Variants in ARMC1 observed in about 807,000 individuals in gnomAD.
ARMC1 encodes armadillo repeat-containing protein 1.
A neutral mutation model predicts 31.4 loss-of-function variants in ARMC1; 16 were observed. The ratio of observed to expected loss-of-function variants is 0.51; its 90% CI spans 0.34 to 0.77. The LOEUF (loss-of-function observed/expected upper bound fraction) is 0.77. Among genes scored for constraint, ARMC1 ranks in the 30% least tolerant of loss-of-function variants. The probability of loss-of-function intolerance (pLI) is 0.01; values close to 1 mark genes in which losing one functional copy is unlikely to be tolerated. For synonymous variants in ARMC1, 114 were observed against 118.9 expected, an observed-to-expected ratio of 0.96 and a Z score of 0.27; for missense variants, 259 against 347.5, an observed-to-expected ratio of 0.75 and a Z score of 2.02.
At chr8:65,609,857 C>CAAAAAAAAAAAAAAAAAAAAAAA (rs35519675) in intron 4 of ARMC1, among the ~76,000 whole-genome samples, 1 of 93,062 alleles carries the variant, frequency 1.1e-5, no homozygotes, top group African/African-American at 4.4e-5. Flanking sequence ...GACTCTGTCT[C>CAAAAAAAAAAAAAAAAAAAAAAA]AAAAAAAAAA....
chr8:65,632,719 C>T (rs1249382536), intron 1 of ARMC1, among the ~76,000 whole-genome samples: 1 of 151,696 alleles, frequency 6.6e-6, no homozygotes, highest in African/African-American at 2.4e-5. Flanking sequence ...TCTGGTACTC[C>T]AGGGGTTGAG....
At chr8:65,606,353 A>G (rs1204486561) in intron 4 of ARMC1, among the ~76,000 whole-genome samples, 16 of 133,858 alleles carry the variant, frequency 1.2e-4, no homozygotes, top group Non-Finnish European at 9.5e-5. Context: ...AGAGCAAGAC[A>G]CCATCTCAAA....
At chr8:65,630,169 T>C (rs1808611356) in intron 1 of ARMC1, among the ~76,000 whole-genome samples, 1 of 151,974 alleles carries the variant, frequency 6.6e-6, no homozygotes, top group Non-Finnish European at 1.5e-5. Flanking sequence ...AAAATCGCTG[T>C]GAGTAAATTT....
At position 65,613,421 on chromosome 8, in the gene ARMC1, TG is replaced by T. The variant is rs760724834; in HGVS notation, c.287del (p.Pro96GlnfsTer29). 1.3e-6 allele frequency: 2 copies of T among 1,590,168 alleles called. No individual in the cohort carries two copies. Among genetic ancestry groups the T allele is most frequent in the Non-Finnish European group, 1.7e-6 (2 of 1,171,096 alleles). ...LQNVIQKTTT[P>X]GETKLLASEI... is the part of the protein sequence containing the mutation. ...CAGAGGCCAGAAGTTTTGTTTCTCC[TG>T]GAGTTGTAGTTCTTGAAAAGAAACA... On this transcript the variant is annotated frameshift_variant, in exon 4 of 7. Coordinates refer to ENST00000276569, the MANE Select transcript of ARMC1 (RefSeq NM_018120.6). LOFTEE classifies it high-confidence loss of function.
intron 4 of ARMC1, among the ~76,000 whole-genome samples, chr8:65,606,221 C>G (rs1807997896): frequency 6.6e-6 from 1 of 151,948 alleles, no homozygotes; most frequent in Non-Finnish European, 1.5e-5. Flanking sequence ...ATTAGCTGGG[C>G]ATGGTGGCGT....
chr8:65,607,964 T>A (rs1015456580), intron 4 of ARMC1, among the ~76,000 whole-genome samples: 3 of 152,190 alleles, frequency 2.0e-5, no homozygotes, highest in Non-Finnish European at 4.4e-5. Flanking sequence ...CCTAGCTGTT[T>A]GTTTTGTTTG....
intron 1 of ARMC1, among the ~76,000 whole-genome samples, chr8:65,629,925 AC>A (rs1346981763): frequency 4.6e-5 from 7 of 151,926 alleles, no homozygotes; most frequent in African/African-American, 1.7e-4. Flanking sequence ...CGGGTGGATC[AC>A]CTGAAGTCAG....
intron 3 of ARMC1, among the ~76,000 whole-genome samples, chr8:65,615,798 G>A (rs1194275033): frequency 6.6e-6 from 1 of 152,160 alleles, no homozygotes; most frequent in Non-Finnish European, 1.5e-5. Context: ...AGGCGGTGGA[G>A]GCAGGAGAAT....
intron 6 of ARMC1, 92 bp downstream of exon 6, chr8:65,605,171 G>T: frequency 9.9e-7 from 1 of 1,011,038 alleles, no homozygotes; most frequent in Non-Finnish European, 1.5e-6. Flanking sequence ...TACATACTTG[G>T]CACTATTAAT....
At position 65,602,882 on chromosome 8, in the gene ARMC1, A is replaced by C. The variant is rs2129040310; in HGVS notation, c.*1512T>G. The C allele has an allele frequency of 6.6e-6, 1 of 150,712 alleles. No homozygotes were observed. The highest frequency in any genetic ancestry group is 2.4e-5 in the African/African-American group (1 of 41,200). The allele number at this position is 150,712 out of a possible 1,614,324, so 9.3% of individuals were successfully genotyped here. The stretch of plus-strand genomic sequence containing the variant: ...CTTGAATCAGAAACCAAACACATGT[A>C]AAAAAATATCATCCTCAATGCCCCC... On this transcript the variant is annotated 3_prime_UTR_variant, in exon 7 of 7. Coordinates refer to ENST00000276569, the MANE Select transcript of ARMC1 (RefSeq NM_018120.6).
intron 3 of ARMC1, among the ~76,000 whole-genome samples, chr8:65,614,498 T>C (rs1474542464): frequency 6.6e-6 from 1 of 152,232 alleles, no homozygotes; most frequent in Non-Finnish European, 1.5e-5. Flanking sequence ...CACAGTCTAA[T>C]GGCTCTTATT....
At chr8:65,610,066 T>C (rs1054953620) in intron 4 of ARMC1, among the ~76,000 whole-genome samples, 5 of 151,112 alleles carry the variant, frequency 3.3e-5, no homozygotes, top group Non-Finnish European at 7.4e-5. Flanking sequence ...ATTTAGCCTC[T>C]AGAATTAAAC....
intron 4 of ARMC1, among the ~76,000 whole-genome samples, chr8:65,608,300 G>A (rs565712083): frequency 6.6e-6 from 1 of 152,310 alleles, no homozygotes; most frequent in South Asian, 2.1e-4. Flanking sequence ...GCCGAGGCAG[G>A]TGGATCACCT....
chr8:65,619,314 G>A (rs1808342792), intron 3 of ARMC1, among the ~76,000 whole-genome samples: 1 of 151,982 alleles, frequency 6.6e-6, no homozygotes, highest in Non-Finnish European at 1.5e-5. Flanking sequence ...AGTGCAGGTG[G>A]ATCACCTGAG....
chr8:65,621,103 A>C (rs1308259882), intron 3 of ARMC1, among the ~76,000 whole-genome samples: 3 of 152,116 alleles, frequency 2.0e-5, no homozygotes, highest in African/African-American at 7.2e-5. Flanking sequence ...GTCTCAAAAA[A>C]CTAACCAAAC....
Position 65,606,900 on chromosome 8 carries a change from A to G in ARMC1, c.466-1362T>C, listed in dbSNP as rs1808016505. 2.0e-5 allele frequency among the ~76,000 whole-genome samples: 3 copies of G among 152,192 alleles called. No homozygotes were observed. In the South Asian group the frequency reaches 6.2e-4, roughly 32 times the overall value. On this transcript the variant is annotated intron_variant, in intron 4 of 6. Coordinates refer to ENST00000276569, the MANE Select transcript of ARMC1 (RefSeq NM_018120.6). ...ATCCAAAGTGAAAATGGAAAAAGTA[A>G]TTGCATTTTCTCCTCATAGCTCCCT...
intron 3 of ARMC1, among the ~76,000 whole-genome samples, chr8:65,618,649 C>A (rs1166801223): frequency 1.3e-5 from 2 of 151,516 alleles, no homozygotes; most frequent in Non-Finnish European, 2.9e-5. Context: ...ACAGTCTCAA[C>A]ACAGACATTT....
intron 2 of ARMC1, 111 bp downstream of exon 2, chr8:65,627,105 C>T (rs1808526925): frequency 3.0e-6 from 3 of 984,844 alleles, no homozygotes; most frequent in Non-Finnish European, 4.5e-6. Context: ...TAAATACAAA[C>T]AACTAATTGC....
At chr8:65,618,390 CGG>C (rs1808320999) in intron 3 of ARMC1, among the ~76,000 whole-genome samples, 1 of 151,708 alleles carries the variant, frequency 6.6e-6, no homozygotes, top group East Asian at 2.0e-4. Context: ...GGCGTGGTGG[CGG>C]GCGCCTGTAG....
Sources: allele counts gnomAD v4.1 joint callset (sites outside exome capture counted in the v4.1 genomes callset), GRCh38; gene constraint gnomAD v4.1.1; transcripts MANE v1.5; gene names NCBI Gene and HGNC (gene_info 2026-07-23, HGNC 2026-07-21).